Variants in SMCR8 observed in about 807,000 individuals in gnomAD.
The protein encoded by SMCR8 is guanine nucleotide exchange protein SMCR8.
In SMCR8, 30 loss-of-function variants were observed where a neutral mutation model predicts 56.6. That is an observed-to-expected ratio of 0.53 (90% CI 0.40 to 0.72). The LOEUF is 0.72. Among genes scored for constraint, SMCR8 ranks in the 30% least tolerant of loss-of-function variants. SMCR8 has a pLI of 0.00. For missense variants in SMCR8, 1,198 were observed against 1,157.0 expected (o/e 1.04, Z -0.51); for synonymous variants, 538 against 456.0 (o/e 1.18, Z -2.29).
chr17:18,317,426 C>G lies in SMCR8; in HGVS notation c.1637C>G (p.Ser546Ter). Residue 546 changes from serine to a stop codon, truncating the protein, a stop_gained, in exon 1 of 2, where the codon TCA (serine) becomes TGA (stop). Transcript: ENST00000406438. LOFTEE classifies it high-confidence loss of function. Reference protein sequence around the residue: ...SYPSAINEEESYPDGNEGAIR... With the variant: ...SYPSAINEEE ...CCAAGTGCCATTAATGAAGAAGAATCATATCCAGATGGCAATGAAGGAGCC... is the reference window on the plus strand; with the variant it reads ...CCAAGTGCCATTAATGAAGAAGAATGATATCCAGATGGCAATGAAGGAGCC... 6.2e-7 allele frequency: 1 copy of G among 1,614,082 alleles called. No homozygotes were observed. The highest frequency in any genetic ancestry group is 8.5e-7 in the Non-Finnish European group (1 of 1,180,034).
At position 18,316,945 on chromosome 17, in the gene SMCR8, C is replaced by A. The variant is rs755297439; in HGVS notation, c.1156C>A (p.Gln386Lys). The A allele has an allele frequency of 6.2e-7, 1 of 1,614,128 alleles. No homozygotes were observed. Residue 386 changes from glutamine to lysine, a missense_variant, in exon 1 of 2, where the codon CAA (glutamine) becomes AAA (lysine). Gln to Lys is a moderately conservative substitution (Grantham distance 53, BLOSUM62 1). Transcript: ENST00000406438. ...GGTCGATGACAGGATGGTGGAGAAA[C>A]AAGAAAGCATACCCTCTAAGCCCAG... is the stretch of plus-strand genomic sequence containing the variant. ...VEVDDRMVEK[Q>K]ESIPSKPSQD...
Position 18,326,378 on chromosome 17 carries a change from C to T in SMCR8, c.*3308C>T, listed in dbSNP as rs760872533. 1.3e-5 allele frequency: 2 copies of T among 152,244 alleles called. No homozygotes were observed. Among genetic ancestry groups the T allele is most frequent in the African/African-American group, 2.4e-5 (1 of 41,458 alleles). 9.4% of individuals were successfully genotyped at this position (152,244 alleles called of 1,614,324 possible). A position where few individuals can be genotyped will look rare whatever the true frequency, so the allele number is the denominator to read the frequency against. ...GAGATCAGGCCACAGCTTTTTATATCGCACAGGACACATCAGCCTGAGCTG... is the reference window on the plus strand; with the variant it reads ...GAGATCAGGCCACAGCTTTTTATATTGCACAGGACACATCAGCCTGAGCTG... On this transcript the variant is annotated 3_prime_UTR_variant, in exon 2 of 2. Coordinates refer to ENST00000406438, the MANE Select transcript of SMCR8 (RefSeq NM_144775.3).
At position 18,317,335 on chromosome 17, in the gene SMCR8, A is replaced by G. The variant is rs1982343642; in HGVS notation, c.1546A>G (p.Ser516Gly). 1 of 1,614,116 alleles carries G rather than the reference A, an allele frequency of 6.2e-7. No individual in the cohort carries two copies. Among genetic ancestry groups the G allele is most frequent in the Non-Finnish European group, 8.5e-7 (1 of 1,180,008 alleles). The change falls in exon 1 of 2, where the codon AGT becomes GGT. Residue 516 changes from serine (S) to glycine (G), a missense_variant. By Grantham distance (56) the Ser-to-Gly change is moderately conservative. Coordinates refer to ENST00000406438, the MANE Select transcript of SMCR8 (RefSeq NM_144775.3). ...CAGCCACAGGACCATCAGCGAGGAC[A>G]GTATTGAAGTCCTCAGTACCTGCCC... ...AVSHRTISED[S>G]IEVLSTCPSE...
In SMCR8 at chr17:18,316,012, A is replaced by G. The variant is rs1291152465; in HGVS notation, c.223A>G (p.Ile75Val). The change falls in exon 1 of 2, where the codon ATC (isoleucine) becomes GTC (valine). Residue 75 changes from isoleucine to valine, a missense_variant. Transcript: ENST00000406438. ...GGTGGGACCCCAACCCTTACTGACCATCCCCAATGACACCAAAGTTTTTGG... is the reference window on the plus strand; with the variant it reads ...GGTGGGACCCCAACCCTTACTGACCGTCCCCAATGACACCAAAGTTTTTGG... ...EQVGPQPLLT[I>V]PNDTKVFGTF... The G allele has an allele frequency of 2.5e-6, 4 of 1,613,994 alleles. No homozygotes were observed. The highest frequency in any genetic ancestry group is 3.4e-6 in the Non-Finnish European group (4 of 1,180,000).
At position 18,316,533 on chromosome 17, in the gene SMCR8, C is replaced by T. The variant is rs1982293580; in HGVS notation, c.744C>T (p.Asp248=). 3 of 1,614,150 alleles carry T rather than the reference C, an allele frequency of 1.9e-6. No homozygotes were observed. The highest frequency in any genetic ancestry group is 2.7e-5 in the African/African-American group (2 of 75,034). ...AGAAGTCCATCATTGAACATCAAGA[C>T]CTGCTGAAGCAGATCCGCTCATACC... is the stretch of plus-strand genomic sequence containing the variant. ...SVEKSIIEHQ[D]LLKQIRSYPH... The change falls in exon 1 of 2, where the codon GAC becomes GAT. Residue 248 remains aspartate, a synonymous_variant. Coordinates refer to ENST00000406438, the MANE Select transcript of SMCR8 (RefSeq NM_144775.3).
Position 18,322,718 on chromosome 17 carries a change from T to G in SMCR8, c.2462T>G (p.Leu821Arg). 6.2e-7 allele frequency: 1 copy of G among 1,614,158 alleles called. No individual in the cohort carries two copies. Among genetic ancestry groups the G allele is most frequent in the Non-Finnish European group, 8.5e-7 (1 of 1,180,022 alleles). The change falls in exon 2 of 2, where the codon CTT (leucine) becomes CGT (arginine). Residue 821 changes from leucine (L) to arginine (R), a missense_variant. Leu to Arg is a moderately radical substitution (Grantham distance 102). Transcript: ENST00000406438. ...DLDNKTLRCP[L>R]YRGTLVPRLA... is the part of the protein sequence containing the mutation. ...GACAACAAAACCCTGCGCTGCCCCC[T>G]TTACAGAGGCACCCTGGTGCCCCGC...
At position 18,323,109 on chromosome 17, in the gene SMCR8, G is replaced by A. The variant is rs758132153; in HGVS notation, c.*39G>A. 1.0e-5 allele frequency: 16 copies of A among 1,565,686 alleles called. No individual in the cohort carries two copies. Among genetic ancestry groups the A allele is most frequent in the Non-Finnish European group, 1.3e-5 (15 of 1,146,880 alleles). On this transcript the variant is annotated 3_prime_UTR_variant, in exon 2 of 2. Transcript: ENST00000406438. ...CACTGTGACCAAGACCTGTGACTCA[G>A]GGTATGGGGAGGGGAGGGGTTGGCA...
chr17:18,315,719 C>G lies in SMCR8; in HGVS notation c.-71C>G, dbSNP rs1982237110. 1 of 1,421,290 alleles carries G rather than the reference C, an allele frequency of 7.0e-7. No homozygotes were observed. Among genetic ancestry groups the G allele is most frequent in the Non-Finnish European group, 9.5e-7 (1 of 1,049,938 alleles). The allele number at this position is 1,421,290 out of a possible 1,614,324, so 88.0% of individuals were successfully genotyped here. A position where few individuals can be genotyped will look rare whatever the true frequency, so the allele number is the denominator to read the frequency against. ...CTTCACTTCCTTCTCCGGAGGCCTG[C>G]CTTCTGCGCGTCGATTAACACCGCA... On this transcript the variant is annotated 5_prime_UTR_variant, in exon 1 of 2. Coordinates refer to ENST00000406438, the MANE Select transcript of SMCR8 (RefSeq NM_144775.3).
chr17:18,318,167 G>A lies in SMCR8; in HGVS notation c.2360+18G>A. The A allele has an allele frequency of 2.5e-6, 4 of 1,604,278 alleles. No homozygotes were observed. The highest frequency in any genetic ancestry group is 3.4e-6 in the Non-Finnish European group (4 of 1,173,078). ...TTGCAGAGGTAACTGGTTCCAGGTG[G>A]TGGGGAAGGGCCTTGGCCAGATAGG... is the stretch of plus-strand genomic sequence containing the variant. On this transcript the variant is annotated intron_variant, in intron 1 of 1. Transcript: ENST00000406438.
At position 18,317,539 on chromosome 17, in the gene SMCR8, T is replaced by C; in HGVS notation, c.1750T>C (p.Ser584Pro). The C allele has an allele frequency of 1.2e-6, 2 of 1,614,100 alleles. No homozygotes were observed. Among genetic ancestry groups the C allele is most frequent in the Non-Finnish European group, 1.7e-6 (2 of 1,180,038 alleles). The change falls in exon 1 of 2, where the codon TCC becomes CCC. Residue 584 changes from serine (S) to proline (P), a missense_variant. By Grantham distance (74) the Ser-to-Pro change is moderately conservative. Transcript: ENST00000406438. The part of the protein sequence containing the change: ...IENTPSQIDS[S>P]CCIGKESDGQ... ...AAACACCCCATCACAAATAGACTCC[T>C]CCTGCTGTATTGGGAAGGAGAGCGA...
In SMCR8 at chr17:18,323,389, C is replaced by A; in HGVS notation, c.*319C>A. ...GGAAGCCACCAGTCCCTTGGTGGGG[C>A]AGGGTGAGGGCAGGAAGGCCAAAGC... is the stretch of plus-strand genomic sequence containing the variant. On this transcript the variant is annotated 3_prime_UTR_variant, in exon 2 of 2. Coordinates refer to ENST00000406438, the MANE Select transcript of SMCR8 (RefSeq NM_144775.3). 1 of 340,534 alleles carries A rather than the reference C, an allele frequency of 2.9e-6. No individual in the cohort carries two copies. Among genetic ancestry groups the A allele is most frequent in the Non-Finnish European group, 5.5e-6 (1 of 183,450 alleles). The allele number at this position is 340,534 out of a possible 1,614,324, so 21.1% of individuals were successfully genotyped here.
chr17:18,316,008 G>C lies in SMCR8; in HGVS notation c.219G>C (p.Leu73=). ...FSEQVGPQPL[L]TIPNDTKVFG... ...AGCAGGTGGGACCCCAACCCTTACT[G>C]ACCATCCCCAATGACACCAAAGTTT... The change falls in exon 1 of 2, where the codon CTG becomes CTC. Residue 73 remains leucine (L), a synonymous_variant. Coordinates refer to ENST00000406438, the MANE Select transcript of SMCR8 (RefSeq NM_144775.3). The C allele has an allele frequency of 6.2e-7, 1 of 1,614,100 alleles. No individual in the cohort carries two copies. The highest frequency in any genetic ancestry group is 8.5e-7 in the Non-Finnish European group (1 of 1,180,004).
chr17:18,326,273 T>A lies in SMCR8; in HGVS notation c.*3203T>A, dbSNP rs1982651116. The A allele has an allele frequency of 6.6e-6, 1 of 152,164 alleles. No individual in the cohort carries two copies. The highest frequency in any genetic ancestry group is 1.5e-5 in the Non-Finnish European group (1 of 68,022). 9.4% of individuals were successfully genotyped at this position (152,164 alleles called of 1,614,324 possible). ...CTTTTTCTCCAGTCCATTATCCCCC[T>A]CCCTTGCTTCTGAAGCAGTCTAGGT... On this transcript the variant is annotated 3_prime_UTR_variant, in exon 2 of 2. Coordinates refer to ENST00000406438, the MANE Select transcript of SMCR8 (RefSeq NM_144775.3).
Position 18,317,297 on chromosome 17 carries a change from G to A in SMCR8, c.1508G>A (p.Arg503Gln), listed in dbSNP as rs553305117. ...GTACCATTGAGCCCCCAGGTGGTCC[G>A]GAGCAAAGCAGTCAGCCACAGGACC... ...LTVPLSPQVV[R>Q]SKAVSHRTIS... is the part of the protein sequence containing the mutation. The change falls in exon 1 of 2, where the codon CGG becomes CAG. Residue 503 changes from arginine (R) to glutamine (Q), a missense_variant. By Grantham distance (43) the Arg-to-Gln change is conservative. Transcript: ENST00000406438. The A allele has an allele frequency of 3.2e-5, 51 of 1,614,052 alleles. No individual in the cohort carries two copies. The highest frequency in any genetic ancestry group is 3.0e-4 in the South Asian group (27 of 91,078).
Position 18,317,743 on chromosome 17 carries a change from C to T in SMCR8, c.1954C>T (p.Leu652=), listed in dbSNP as rs1235152758. Reference sequence around the variant, plus strand: ...TTGTGAAGGGTTTCCCGCTTATGAGCTGGACCCGAGCCACCTGCTGGCTAG... The same window carrying T: ...TTGTGAAGGGTTTCCCGCTTATGAGTTGGACCCGAGCCACCTGCTGGCTAG... ...NSCEGFPAYE[L]DPSHLLASRD... The change falls in exon 1 of 2, where the codon CTG becomes TTG. Residue 652 remains leucine, a synonymous_variant. Coordinates refer to ENST00000406438, the MANE Select transcript of SMCR8 (RefSeq NM_144775.3). 1.2e-6 allele frequency: 2 copies of T among 1,614,160 alleles called. No individual in the cohort carries two copies. Among genetic ancestry groups the T allele is most frequent in the East Asian group, 2.2e-5 (1 of 44,884 alleles).
At position 18,317,447 on chromosome 17, in the gene SMCR8, G is replaced by T. The variant is rs9911649; in HGVS notation, c.1658G>T (p.Gly553Val). ...GAATCATATCCAGATGGCAATGAAG[G>T]AGCCATCCGCTTCCAGGCAAGCATC... ...EEESYPDGNE[G>V]AIRFQASISP... The change falls in exon 1 of 2, where the codon GGA (glycine) becomes GTA (valine). Residue 553 changes from glycine to valine, a missense_variant. Coordinates refer to ENST00000406438, the MANE Select transcript of SMCR8 (RefSeq NM_144775.3). 1 of 1,614,024 alleles carries T rather than the reference G, an allele frequency of 6.2e-7. No homozygotes were observed. The highest frequency in any genetic ancestry group is 1.7e-5 in the Admixed American group (1 of 60,008).
In SMCR8 at chr17:18,317,768, G is replaced by T; in HGVS notation, c.1979G>T (p.Ser660Ile). The T allele has an allele frequency of 6.2e-7, 1 of 1,614,184 alleles. No individual in the cohort carries two copies. Among genetic ancestry groups the T allele is most frequent in the Non-Finnish European group, 8.5e-7 (1 of 1,180,036 alleles). Reference protein sequence around the residue: ...YELDPSHLLASRDISKTSLDN... With the variant: ...YELDPSHLLAIRDISKTSLDN... ...CTGGACCCGAGCCACCTGCTGGCTA[G>T]CCGGGACATCAGTAAGACCAGCCTG... The change falls in exon 1 of 2, where the codon AGC (serine) becomes ATC (isoleucine). Residue 660 changes from serine (S) to isoleucine (I), a missense_variant. Physicochemically the swap from Ser to Ile is moderately radical, Grantham distance 142 (BLOSUM62 -2). Coordinates refer to ENST00000406438, the MANE Select transcript of SMCR8 (RefSeq NM_144775.3).
In SMCR8 at chr17:18,316,106, ATCC is replaced by A; in HGVS notation, c.322_324del (p.Pro108del). On this transcript the variant is annotated inframe_deletion, in exon 1 of 2. Transcript: ENST00000406438. ...GATTACCAGGCTTCCTTCGTGGGCC[ATCC>A]TCCTGGATCTGCCTACCCCAAGCTG... 1 of 1,614,144 alleles carries A rather than the reference ATCC, an allele frequency of 6.2e-7. No homozygotes were observed. Among genetic ancestry groups the A allele is most frequent in the East Asian group, 2.2e-5 (1 of 44,880 alleles).
intron 1 of SMCR8, among the ~76,000 whole-genome samples, chr17:18,321,926 G>T (rs540487368): frequency 3.3e-4 from 51 of 152,252 alleles, no homozygotes; most frequent in Non-Finnish European, 6.5e-4. Context: ...AGGAAAGCAG[G>T]AGAGGATCAG....
Sources: allele counts gnomAD v4.1 joint callset (sites outside exome capture counted in the v4.1 genomes callset), GRCh38; gene constraint gnomAD v4.1.1; transcripts MANE v1.5; gene names NCBI Gene and HGNC (gene_info 2026-07-23, HGNC 2026-07-21).